The following CTR9 variants were observed in gnomAD, a reference collection of about 807,000 sequenced individuals.
The protein encoded by CTR9 is RNA polymerase-associated protein CTR9 homolog.
In CTR9, 41 loss-of-function variants were observed where a neutral mutation model predicts 152.1. That is an observed-to-expected ratio of 0.27 (90% CI 0.21 to 0.35). The LOEUF (loss-of-function observed/expected upper bound fraction) is 0.35, where lower values mean the gene tolerates loss of function less well. CTR9 is among the 10% of genes least tolerant of loss of function. CTR9 has a pLI of 1.00. For missense variants in CTR9, 917 were observed against 1,424.4 expected, an observed-to-expected ratio of 0.64 and a Z score of 5.73; for synonymous variants, 476 against 496.2, an observed-to-expected ratio of 0.96 and a Z score of 0.54.
chr11:10,773,257 G>C lies in CTR9; in HGVS notation c.2711G>C (p.Gly904Ala). Residue 904 changes from glycine to alanine, a missense_variant, in exon 21 of 25, where the codon GGT becomes GCT. Coordinates refer to ENST00000361367, the MANE Select transcript of CTR9 (RefSeq NM_014633.5). The part of the protein sequence containing the change: ...ETEATKEKKR[G>A]GGGGRRSKKG... ...GAAGCAACAAAAGAGAAGAAAAGAG[G>C]TGGTGGTGGTGGACGGGTAAGATAT... is the stretch of plus-strand genomic sequence containing the variant. 1.2e-6 allele frequency: 2 copies of C among 1,611,498 alleles called. No homozygotes were observed. The highest frequency in any genetic ancestry group is 1.7e-6 in the Non-Finnish European group (2 of 1,179,286).
intron 1 of CTR9, among the ~76,000 whole-genome samples, chr11:10,752,084 CTTTTAT>C (rs1008723433): frequency 2.6e-5 from 4 of 152,044 alleles, no homozygotes; most frequent in African/African-American, 9.7e-5. Flanking sequence ...TCTTGTATAT[CTTTTAT>C]TTTTATTTTT....
intron 24 of CTR9, among the ~76,000 whole-genome samples, chr11:10,777,725 A>T (rs1438269741): frequency 2.0e-5 from 3 of 152,216 alleles, no homozygotes; most frequent in East Asian, 1.9e-4. Flanking sequence ...ATTTGGCAAG[A>T]TGGAATGGAG....
chr11:10,755,791 T>C lies in CTR9; in HGVS notation c.498T>C (p.Leu166=). Residue 166 remains leucine (L), a synonymous_variant, in exon 4 of 25, where the codon CTT becomes CTC. Transcript: ENST00000361367. ...LNQSPNNIPA[L]LGKACISFNK... is the part of the protein sequence containing the mutation. ...AGTCTCCAAATAATATTCCAGCCCT[T>C]CTTGGTAAGTGGTCTTTGGCAACAT... 1 of 1,591,214 alleles carries C rather than the reference T, an allele frequency of 6.3e-7. No homozygotes were observed. Among genetic ancestry groups the C allele is most frequent in the Non-Finnish European group, 8.6e-7 (1 of 1,160,718 alleles).
intron 16 of CTR9, 29 bp downstream of exon 16, chr11:10,768,520 A>G (rs1440638550): frequency 6.3e-6 from 10 of 1,575,662 alleles, no homozygotes; most frequent in Non-Finnish European, 8.6e-6. Context: ...AGATATTTTT[A>G]TATCTTGTTC....
rs116220061 is a variant in CTR9 at position 10,768,882 on chromosome 11, A to G, written c.2109+391A>G. Among the ~76,000 whole-genome samples, 203 of 152,346 alleles carry G rather than the reference A, an allele frequency of 1.3e-3. 3 individuals are homozygous for G. Among genetic ancestry groups the G allele is most frequent in the African/African-American group, 4.7e-3 (195 of 41,586 alleles). ...TTTATTTGTGTATTCAGTTTCTGAA[A>G]CTGAACTGTGAGTTTTAGAAAGGTT... On this transcript the variant is annotated intron_variant, in intron 16 of 24. Coordinates refer to ENST00000361367, the MANE Select transcript of CTR9 (RefSeq NM_014633.5).
Position 10,751,466 on chromosome 11 carries a change from C to A in CTR9, c.45+9C>A, listed in dbSNP as rs369782154. On this transcript the variant is annotated intron_variant, in intron 1 of 24. Coordinates refer to ENST00000361367, the MANE Select transcript of CTR9 (RefSeq NM_014633.5). ...TCCGGGACACTGACGAGGTAAGTGT[C>A]GTGTATGGAGGCGGGTGGGGGCCAT... 5.7e-5 allele frequency: 92 copies of A among 1,613,464 alleles called. No homozygotes were observed. Among genetic ancestry groups the A allele is most frequent in the Non-Finnish European group, 7.2e-5 (85 of 1,179,864 alleles).
chr11:10,754,716 A>G (rs1379233986), intron 2 of CTR9, among the ~76,000 whole-genome samples: 1 of 152,176 alleles, frequency 6.6e-6, no homozygotes, highest in African/African-American at 2.4e-5. Context: ...TCTTTCATTC[A>G]GCATAATTAT....
chr11:10,774,361 A>C lies in CTR9; in HGVS notation c.2885+192A>C. On this transcript the variant is annotated intron_variant, in intron 22 of 24. Transcript: ENST00000361367. ...TCCACTGAGTACCTGGGATTTCCAT[A>C]CGTCTCCACAGCTTTCCTTCTAAGC... is the stretch of plus-strand genomic sequence containing the variant. The C allele has an allele frequency of 1.3e-5, 7 of 520,844 alleles. No homozygotes were observed. In the South Asian group the frequency reaches 2.5e-4, roughly 19 times the overall value. The allele number at this position is 520,844 out of a possible 1,614,324, so 32.3% of individuals were successfully genotyped here.
intron 18 of CTR9, 57 bp from the exon 19 acceptor site, chr11:10,771,488 C>T (rs1590025580): frequency 2.3e-6 from 3 of 1,288,168 alleles, no homozygotes; most frequent in Middle Eastern, 2.1e-4. Flanking sequence ...TTTTTAAGAG[C>T]TTTATTTCAT....
At chr11:10,776,323 G>A (rs999289548) in intron 24 of CTR9, among the ~76,000 whole-genome samples, 1 of 152,132 alleles carries the variant, frequency 6.6e-6, no homozygotes, top group African/African-American at 2.4e-5. Context: ...TTTCTCCCCC[G>A]TTGTGCGGTG....
intron 5 of CTR9, among the ~76,000 whole-genome samples, chr11:10,758,678 C>A (rs1862925881): frequency 6.6e-6 from 1 of 152,150 alleles, no homozygotes; most frequent in Non-Finnish European, 1.5e-5. Flanking sequence ...GGCTATACAA[C>A]CTGAGTCACG....
At chr11:10,763,614 A>G (rs756266950) in intron 8 of CTR9, 29 bp from the exon 9 acceptor site, 3 of 1,575,866 alleles carry the variant, frequency 1.9e-6, no homozygotes, top group South Asian at 1.2e-5. Flanking sequence ...TTTTGTACAT[A>G]TTGGTCTTTT....
rs1863284485 is a variant in CTR9 at position 10,778,857 on chromosome 11, A to G, written c.3274A>G (p.Arg1092Gly). 6.2e-7 allele frequency: 1 copy of G among 1,614,240 alleles called. No homozygotes were observed. The highest frequency in any genetic ancestry group is 8.5e-7 in the Non-Finnish European group (1 of 1,180,038). Residue 1092 changes from arginine (R) to glycine (G), a missense_variant, in exon 25 of 25, where the codon AGA (arginine) becomes GGA (glycine). Around this residue, in one of 9 missense-constraint regions of CTR9, gnomAD observed 384 missense variants for 398.4 expected, o/e 0.96. Coordinates refer to ENST00000361367, the MANE Select transcript of CTR9 (RefSeq NM_014633.5). ...DQDSDSDQPSRKRRPSGSEQS... is the reference protein window; with the variant it reads ...DQDSDSDQPSGKRRPSGSEQS... ...GGACTCAGACAGTGACCAGCCATCC[A>G]GAAAGAGAAGGCCCTCCGGTTCTGA...
chr11:10,775,573 C>A lies in CTR9; in HGVS notation c.3035C>A (p.Ala1012Asp). ...ATGAAGGGAAAAATAAAATCCAAAG[C>A]CATAATTTCATCAAGTGATGACTCT... Reference protein sequence around the residue: ...PSMKGKIKSKAIISSSDDSSD... With the variant: ...PSMKGKIKSKDIISSSDDSSD... The change falls in exon 24 of 25, where the codon GCC becomes GAC. Residue 1012 changes from alanine to aspartate, a missense_variant. By Grantham distance (126) the Ala-to-Asp change is moderately radical. Around this residue, in one of 9 missense-constraint regions of CTR9, gnomAD observed 384 missense variants for 398.4 expected, o/e 0.96. Coordinates refer to ENST00000361367, the MANE Select transcript of CTR9 (RefSeq NM_014633.5). 1 of 1,613,806 alleles carries A rather than the reference C, an allele frequency of 6.2e-7. No individual in the cohort carries two copies. The highest frequency in any genetic ancestry group is 8.5e-7 in the Non-Finnish European group (1 of 1,179,816).
intron 4 of CTR9, among the ~76,000 whole-genome samples, chr11:10,756,258 T>A (rs543457089): frequency 1.3e-5 from 2 of 152,382 alleles, no homozygotes; most frequent in South Asian, 2.1e-4. Context: ...TAACATTTTT[T>A]AAACTTTTAT....
chr11:10,755,299 T>G, intron 3 of CTR9, 102 bp downstream of exon 3: 1 of 1,333,518 alleles, frequency 7.5e-7, no homozygotes, highest in Non-Finnish European at 1.0e-6. Flanking sequence ...TTTCTTCAAG[T>G]AACATGGTTG....
Position 10,768,476 on chromosome 11 carries a change from C to A in CTR9, c.2094C>A (p.Ile698=), listed in dbSNP as rs148030732. The change falls in exon 16 of 25, where the codon ATC becomes ATA. Residue 698 remains isoleucine (I), a synonymous_variant. Coordinates refer to ENST00000361367, the MANE Select transcript of CTR9 (RefSeq NM_014633.5). ...AHIYVEQKQY[I]SAVQMYENCL... Reference sequence around the variant, plus strand: ...TCTATGTGGAGCAAAAGCAGTACATCAGCGCCGTTCAGATGGTAATAGCTT... The same window carrying A: ...TCTATGTGGAGCAAAAGCAGTACATAAGCGCCGTTCAGATGGTAATAGCTT... 4.3e-5 allele frequency: 69 copies of A among 1,603,478 alleles called. No individual in the cohort carries two copies. The highest frequency in any genetic ancestry group is 5.3e-5 in the Non-Finnish European group (62 of 1,176,798).
chr11:10,752,915 G>A (rs1196280360), intron 2 of CTR9, 145 bp downstream of exon 2: 1 of 655,058 alleles, frequency 1.5e-6, no homozygotes, highest in Non-Finnish European at 2.6e-6. Context: ...AATAATTTAT[G>A]GAACAATAAG....
In CTR9 at chr11:10,763,424, T is replaced by G. The variant is rs750274039; in HGVS notation, c.850-7T>G. 7.5e-6 allele frequency: 12 copies of G among 1,592,706 alleles called. No individual in the cohort carries two copies. The highest frequency in any genetic ancestry group is 1.7e-5 in the Admixed American group (1 of 58,854). On this transcript the variant is annotated splice_polypyrimidine_tract_variant and splice_region_variant and intron_variant, in intron 7 of 24. Transcript: ENST00000361367. ...TTCACTCAGTTGACTTTCTGATCTT[T>G]GTTCAGGATTATAGTAAAGTCCAGC...
Sources: gnomAD v4.1 joint callset for allele counts (sites outside exome capture counted in the v4.1 genomes callset) on GRCh38, gnomAD v4.1.1 for gene constraint, gnomAD v4.1.1 regional missense constraint, MANE v1.5 for transcripts, NCBI Gene and HGNC (gene_info 2026-07-23, HGNC 2026-07-21) for gene names.